The following TAF4B variants were observed in gnomAD, a reference collection of about 807,000 sequenced individuals.
TAF4B encodes transcription initiation factor TFIID subunit 4B.
Under a neutral mutation model 86.4 loss-of-function variants are expected in TAF4B, and 38 were observed. That is an observed-to-expected ratio of 0.44 (90% CI 0.34 to 0.58). The LOEUF (loss-of-function observed/expected upper bound fraction) is 0.58. TAF4B is among the 20% of genes least tolerant of loss of function. The pLI, the probability that TAF4B is intolerant of heterozygous loss-of-function variation, is 0.02. For synonymous variants in TAF4B, 388 were observed against 391.2 expected, an observed-to-expected ratio of 0.99 and a Z score of 0.10; for missense variants, 988 against 1,027.6, an observed-to-expected ratio of 0.96 and a Z score of 0.53.
chr18:26,370,631 A>T (rs935226247), intron 14 of TAF4B, among the ~76,000 whole-genome samples: 3 of 152,152 alleles, frequency 2.0e-5, no homozygotes, highest in African/African-American at 7.2e-5. Flanking sequence ...CAGCCCCCAG[A>T]GAATGAGGTA....
intron 9 of TAF4B, among the ~76,000 whole-genome samples, chr18:26,312,706 C>T (rs117107481): frequency 6.6e-6 from 1 of 152,184 alleles, no homozygotes; most frequent in East Asian, 1.9e-4. Context: ...GTGCAATTTC[C>T]AGGGGCCTGT....
intron 1 of TAF4B, among the ~76,000 whole-genome samples, chr18:26,249,032 C>T (rs139734906): frequency 0.042 from 6,327 of 151,516 alleles, 180 homozygotes; most frequent in Non-Finnish European, 0.059. Context: ...ATTAGCTGGG[C>T]GTGGTGGTAC....
intron 14 of TAF4B, among the ~76,000 whole-genome samples, chr18:26,380,584 G>C (rs116009311): frequency 1.3e-5 from 2 of 152,052 alleles, no homozygotes; most frequent in Admixed American, 1.3e-4. Context: ...CTTGCGAATT[G>C]ATCTTCCTTT....
At chr18:26,341,960 T>C (rs1479928274) in intron 13 of TAF4B, among the ~76,000 whole-genome samples, 2 of 152,174 alleles carry the variant, frequency 1.3e-5, no homozygotes, top group Non-Finnish European at 2.9e-5. Context: ...CCTGGTAAAC[T>C]TGATCTTTTA....
chr18:26,358,341 A>G (rs1198381584), intron 14 of TAF4B, among the ~76,000 whole-genome samples: 2 of 152,218 alleles, frequency 1.3e-5, no homozygotes, highest in African/African-American at 2.4e-5. Flanking sequence ...AGGCACATGT[A>G]TACTCAATAA....
chr18:26,384,705 C>G (rs865955786), intron 14 of TAF4B, among the ~76,000 whole-genome samples: 2 of 152,198 alleles, frequency 1.3e-5, no homozygotes, highest in Non-Finnish European at 2.9e-5. Context: ...TGTAAACCTT[C>G]AGTGCCTTCC....
intron 9 of TAF4B, among the ~76,000 whole-genome samples, chr18:26,310,774 A>C (rs1439448292): frequency 6.6e-6 from 1 of 152,164 alleles, no homozygotes; most frequent in Non-Finnish European, 1.5e-5. Context: ...CCAGGTTCCC[A>C]GCCTAGAGCC....
intron 10 of TAF4B, 146 bp from the exon 11 acceptor site, chr18:26,320,924 T>G: frequency 1.1e-6 from 1 of 922,040 alleles, no homozygotes; most frequent in Non-Finnish European, 1.6e-6. Context: ...ATCTTTGAAG[T>G]TGTGACTTTA....
chr18:26,326,420 C>T (rs1248829433), intron 11 of TAF4B, among the ~76,000 whole-genome samples: 1 of 152,128 alleles, frequency 6.6e-6, no homozygotes, highest in Non-Finnish European at 1.5e-5. Context: ...AATTCACACC[C>T]CTGAGTAATC....
intron 9 of TAF4B, 79 bp from the exon 10 acceptor site, chr18:26,315,150 C>CTG (rs2056894831): frequency 5.1e-4 from 230 of 454,554 alleles, no homozygotes; most frequent in Middle Eastern, 1.7e-3. Context: ...CTCTCTGTCT[C>CTG]TCTCTCTCTC....
chr18:26,299,215 TA>T (rs1430072105), intron 9 of TAF4B, among the ~76,000 whole-genome samples: 1 of 152,142 alleles, frequency 6.6e-6, no homozygotes, highest in Non-Finnish European at 1.5e-5. Flanking sequence ...GAAACTTCTC[TA>T]GTAAAGAACT....
chr18:26,323,949 CTT>C (rs1431756626), intron 11 of TAF4B, among the ~76,000 whole-genome samples: 1 of 152,064 alleles, frequency 6.6e-6, no homozygotes, highest in Non-Finnish European at 1.5e-5. Context: ...TTTGCTATTT[CTT>C]TTCTGTATGC....
chr18:26,320,985 AG>A, intron 10 of TAF4B, 84 bp from the exon 11 acceptor site: 1 of 1,534,810 alleles, frequency 6.5e-7, no homozygotes, highest in Non-Finnish European at 8.9e-7. Context: ...TATGACTTCC[AG>A]GGGGAACAGA....
intron 13 of TAF4B, among the ~76,000 whole-genome samples, chr18:26,353,786 A>C (rs1201860243): frequency 6.6e-6 from 1 of 152,246 alleles, no homozygotes; most frequent in East Asian, 1.9e-4. Flanking sequence ...GGAGACATGG[A>C]AATAAAGTAG....
chr18:26,253,524 T>C lies in TAF4B; in HGVS notation c.344-11646T>C, dbSNP rs186267345. ...TTTGTGTCTATATCCATAAGGGATA[T>C]TGACCTGTGGTTTTCTTGTGATGTC... On this transcript the variant is annotated intron_variant, in intron 1 of 14. Coordinates refer to ENST00000269142, the MANE Select transcript of TAF4B (RefSeq NM_005640.3). Among the ~76,000 whole-genome samples, 631 of 152,340 alleles carry C rather than the reference T, an allele frequency of 4.1e-3. 2 individuals are homozygous for C. The highest frequency in any genetic ancestry group is 0.015 in the African/African-American group (608 of 41,588).
intron 13 of TAF4B, among the ~76,000 whole-genome samples, chr18:26,335,851 GCTGA>G: frequency 6.6e-6 from 1 of 152,296 alleles, no homozygotes; most frequent in Non-Finnish European, 1.5e-5. Context: ...CCTCTCAGTA[GCTGA>G]CTTTTTACAT....
chr18:26,381,632 CAG>C (rs1035472098), intron 14 of TAF4B, among the ~76,000 whole-genome samples: 1 of 151,840 alleles, frequency 6.6e-6, no homozygotes, highest in African/African-American at 2.4e-5. Flanking sequence ...GAGGCTGAGA[CAG>C]GGGAATCGCT....
In TAF4B at chr18:26,390,163, A is replaced by G. The variant is rs932102220; in HGVS notation, c.*151A>G. On this transcript the variant is annotated 3_prime_UTR_variant, in exon 15 of 15. Coordinates refer to ENST00000269142, the MANE Select transcript of TAF4B (RefSeq NM_005640.3). ...TTAGAAACTTTATTAACTCTTACCT[A>G]TCCATCTCATGGGACTCTTACAGAC... 2.1e-5 allele frequency: 15 copies of G among 707,924 alleles called. No individual in the cohort carries two copies. Among genetic ancestry groups the G allele is most frequent in the Admixed American group, 3.1e-5 (1 of 32,368 alleles). 43.9% of individuals were successfully genotyped at this position (707,924 alleles called of 1,614,324 possible).
chr18:26,253,376 A>G (rs2144504399), intron 1 of TAF4B, among the ~76,000 whole-genome samples: 1 of 152,222 alleles, frequency 6.6e-6, no homozygotes, highest in African/African-American at 2.4e-5. Flanking sequence ...AGGGTGTTTT[A>G]TAGTAGTTAG....
Sources: allele counts gnomAD v4.1 joint callset (sites outside exome capture counted in the v4.1 genomes callset), GRCh38; gene constraint gnomAD v4.1.1; transcripts MANE v1.5; gene names NCBI Gene and HGNC (gene_info 2026-07-23, HGNC 2026-07-21).